SDC3: variants seen among roughly 807,000 people sequenced by gnomAD.
SDC3 encodes the protein syndecan 3, also known as syndecan-3.
A neutral mutation model predicts 24.4 loss-of-function variants in SDC3; 13 were observed. The observed-to-expected ratio is 0.53, with a 90% CI of 0.35 to 0.85. SDC3 has a LOEUF of 0.85. Among genes scored for constraint, SDC3 ranks in the 40% least tolerant of loss-of-function variants. SDC3 has a pLI of 0.01. For missense variants in SDC3, 571 were observed against 584.5 expected, an observed-to-expected ratio of 0.98 and a Z score of 0.24; for synonymous variants, 295 against 260.9, an observed-to-expected ratio of 1.13 and a Z score of -1.26.
chr1:30,873,425 C>A, intron 4 of SDC3, 48 bp from the exon 5 acceptor site: 1 of 1,508,726 alleles, frequency 6.6e-7, no homozygotes, highest in Non-Finnish European at 9.2e-7. Context: ...AGGGTAGAAC[C>A]AGGGCAAAGG....
At chr1:30,898,242 C>T (rs34418949) in intron 1 of SDC3, among the ~76,000 whole-genome samples, 4,624 of 152,244 alleles carry the variant, frequency 0.03, 89 homozygotes, top group Middle Eastern at 0.12. Flanking sequence ...TGATATACTG[C>T]GACCTTCCCC....
At chr1:30,902,025 A>G (rs1053962118) in intron 1 of SDC3, among the ~76,000 whole-genome samples, 1 of 152,224 alleles carries the variant, frequency 6.6e-6, no homozygotes, top group Non-Finnish European at 1.5e-5. Context: ...AGCTGGCTCC[A>G]GGATCCCTAC....
chr1:30,896,204 GAAAC>G (rs1197197100), intron 1 of SDC3, among the ~76,000 whole-genome samples: 4 of 152,192 alleles, frequency 2.6e-5, no homozygotes, highest in Admixed American at 2.6e-4. Flanking sequence ...GCAGGGAAAA[GAAAC>G]AAAGTAGCAA....
chr1:30,896,349 G>A (rs746841588), intron 1 of SDC3, among the ~76,000 whole-genome samples: 4 of 152,176 alleles, frequency 2.6e-5, no homozygotes, highest in Non-Finnish European at 5.9e-5. Flanking sequence ...GTAACCCTGA[G>A]GGGAACCAGA....
At chr1:30,902,165 C>A (rs1243958618) in intron 1 of SDC3, among the ~76,000 whole-genome samples, 2 of 152,236 alleles carry the variant, frequency 1.3e-5, no homozygotes, top group African/African-American at 2.4e-5. Flanking sequence ...ACCCTCTCCA[C>A]CTGGTATAAA....
At chr1:30,874,209 T>A in intron 4 of SDC3, 88 bp downstream of exon 4, 1 of 1,116,796 alleles carries the variant, frequency 9.0e-7, no homozygotes. Context: ...ATCTCCTTTC[T>A]GGGTTCCTAG....
At chr1:30,878,821 T>C in intron 1 of SDC3, 81 bp from the exon 2 acceptor site, 2 of 1,109,010 alleles carry the variant, frequency 1.8e-6, no homozygotes, top group Non-Finnish European at 1.4e-6. Flanking sequence ...ACAGGTGCCC[T>C]TGTGGGCTGA....
chr1:30,873,671 G>A (rs1214149314), intron 4 of SDC3, among the ~76,000 whole-genome samples: 5 of 152,134 alleles, frequency 3.3e-5, no homozygotes, highest in Non-Finnish European at 2.9e-5. Flanking sequence ...AGATGCCCCA[G>A]TATTTTATAA....
At chr1:30,892,362 G>A (rs1639919034) in intron 1 of SDC3, among the ~76,000 whole-genome samples, 2 of 152,086 alleles carry the variant, frequency 1.3e-5, no homozygotes, top group South Asian at 4.1e-4. Flanking sequence ...AGTCACACCA[G>A]CTTGGCCCCC....
At chr1:30,890,023 T>C (rs1456070165) in intron 1 of SDC3, among the ~76,000 whole-genome samples, 1 of 152,108 alleles carries the variant, frequency 6.6e-6, no homozygotes, top group Non-Finnish European at 1.5e-5. Flanking sequence ...AAAAAACTAA[T>C]ACTGAGGCTG....
At chr1:30,882,218 G>A (rs547129666) in intron 1 of SDC3, among the ~76,000 whole-genome samples, 78 of 152,242 alleles carry the variant, frequency 5.1e-4, no homozygotes, top group Non-Finnish European at 9.3e-4. Flanking sequence ...ACACACATGC[G>A]CGCAAACACG....
At position 30,908,611 on chromosome 1, in the gene SDC3, G is replaced by T; in HGVS notation, c.-25C>A. On this transcript the variant is annotated 5_prime_UTR_variant, in exon 1 of 5. Coordinates refer to ENST00000339394, the MANE Select transcript of SDC3 (RefSeq NM_014654.4). ...TGGCGGCGGCGCGGGCGCGGGCGGC[G>T]GGCGGCGGGCGGGCGCCTTTGTTCC... The T allele has an allele frequency of 1.1e-6, 1 of 926,742 alleles. No homozygotes were observed. The highest frequency in any genetic ancestry group is 4.8e-5 in the South Asian group (1 of 20,784). The allele number at this position is 926,742 out of a possible 1,614,324, so 57.4% of individuals were successfully genotyped here.
At chr1:30,884,093 C>G (rs1445356658) in intron 1 of SDC3, among the ~76,000 whole-genome samples, 1 of 152,140 alleles carries the variant, frequency 6.6e-6, no homozygotes, top group Non-Finnish European at 1.5e-5. Flanking sequence ...TCCCCACCCC[C>G]ACCCAGCCAC....
chr1:30,891,099 C>A (rs1404490329), intron 1 of SDC3, among the ~76,000 whole-genome samples: 1 of 152,232 alleles, frequency 6.6e-6, no homozygotes, highest in Non-Finnish European at 1.5e-5. Context: ...ATGCCCCACC[C>A]CACCCTTTGA....
intron 1 of SDC3, among the ~76,000 whole-genome samples, chr1:30,904,579 C>T (rs1265849924): frequency 2.0e-5 from 3 of 152,124 alleles, no homozygotes; most frequent in African/African-American, 4.8e-5. Context: ...AGGCATTGTG[C>T]TCACTCCTCC....
At chr1:30,873,422 A>G (rs1639576945) in intron 4 of SDC3, 45 bp from the exon 5 acceptor site, 5 of 1,526,640 alleles carry the variant, frequency 3.3e-6, no homozygotes, top group Non-Finnish European at 4.5e-6. Context: ...GGCAGGGTAG[A>G]ACCAGGGCAA....
At position 30,872,910 on chromosome 1, in the gene SDC3, C is replaced by A. The variant is rs947824743; in HGVS notation, c.*301G>T. ...CCCCACCCTTTCTTCCACCACCAGC[C>A]AATCAGGAGCTTTCTTCCTCCCATC... On this transcript the variant is annotated 3_prime_UTR_variant, in exon 5 of 5. Transcript: ENST00000339394. 1 of 385,282 alleles carries A rather than the reference C, an allele frequency of 2.6e-6. No homozygotes were observed. The highest frequency in any genetic ancestry group is 4.7e-6 in the Non-Finnish European group (1 of 214,008). The allele number at this position is 385,282 out of a possible 1,614,324, so 23.9% of individuals were successfully genotyped here. A position where few individuals can be genotyped will look rare whatever the true frequency, so the allele number is the denominator to read the frequency against.
At chr1:30,909,468 G>A (rs1638609539), upstream of SDC3, among the ~76,000 whole-genome samples, 2 of 152,300 alleles carry the variant, frequency 1.3e-5, no homozygotes, top group African/African-American at 4.8e-5. Flanking sequence ...ATGGTTGAAT[G>A]GGACCACCCC....
intron 1 of SDC3, among the ~76,000 whole-genome samples, chr1:30,902,499 T>C (rs914913934): frequency 6.6e-6 from 1 of 152,158 alleles, no homozygotes; most frequent in Non-Finnish European, 1.5e-5. Flanking sequence ...GCCAGCCCGA[T>C]GTTCCCAGGA....
Sources: gnomAD v4.1 joint callset for allele counts (sites outside exome capture counted in the v4.1 genomes callset) on GRCh38, gnomAD v4.1.1 for gene constraint, MANE v1.5 for transcripts, NCBI Gene and HGNC (gene_info 2026-07-23, HGNC 2026-07-21) for gene names.